The following HARS1 variants were observed in gnomAD, a reference collection of about 807,000 sequenced individuals.
The protein encoded by HARS1 is histidyl-tRNA synthetase 1.
A neutral mutation model predicts 63.6 loss-of-function variants in HARS1; 45 were observed. The ratio of observed to expected loss-of-function variants is 0.71; its 90% CI spans 0.56 to 0.91. The LOEUF (loss-of-function observed/expected upper bound fraction) is 0.91, where lower values mean the gene tolerates loss of function less well. Ranked by LOEUF, HARS1 falls within the 40% of genes least tolerant of loss-of-function variation. The probability of loss-of-function intolerance (pLI) is 0.00; values close to 1 mark genes in which losing one functional copy is unlikely to be tolerated. For missense variants in HARS1, 508 were observed against 643.2 expected (o/e 0.79, Z 2.27); for synonymous variants, 205 against 247.1 (o/e 0.83, Z 1.60).
At position 140,676,222 on chromosome 5, in the gene HARS1, A is replaced by G. The variant is rs1289625495; in HGVS notation, c.1194+432T>C. On this transcript the variant is annotated intron_variant, in intron 10 of 12. Coordinates refer to ENST00000504156, the MANE Select transcript of HARS1 (RefSeq NM_002109.6). This position sits in a 1 kb window ranked among gnomAD's most constrained non-coding sequence, Gnocchi z 4.1. The stretch of plus-strand genomic sequence containing the variant: ...TGGCCTTAAGCAAATTATTTGATCT[A>G]TAATGCTTCAGTGTTCTCATCTGGA... 1 of 163,146 alleles carries G rather than the reference A, an allele frequency of 6.1e-6. No homozygotes were observed. The highest frequency in any genetic ancestry group is 1.3e-5 in the Non-Finnish European group (1 of 75,338). 10.1% of individuals were successfully genotyped at this position (163,146 alleles called of 1,614,324 possible). A position where few individuals can be genotyped will look rare whatever the true frequency, so the allele number is the denominator to read the frequency against.
At chr5:140,686,143 C>G (rs1037042441) in intron 2 of HARS1, among the ~76,000 whole-genome samples, 4 of 151,892 alleles carry the variant, frequency 2.6e-5, no homozygotes, top group Non-Finnish European at 5.9e-5. Flanking sequence ...CCATGTTAGC[C>G]AGGATGGTCT....
rs756452677 is a variant in HARS1 at position 140,674,691 on chromosome 5, C to G, written c.1446G>C (p.Thr482=). 1 of 1,614,218 alleles carries G rather than the reference C, an allele frequency of 6.2e-7. No individual in the cohort carries two copies. Among genetic ancestry groups the G allele is most frequent in the Non-Finnish European group, 8.5e-7 (1 of 1,180,040 alleles). Residue 482 remains threonine, a synonymous_variant, in exon 12 of 13, where the codon ACG becomes ACC. Transcript: ENST00000504156. ...CCACCTCCCTCACCTCTTCCCTGCT[C>G]GTCACTGAACGGAGCTTGATGACCC... ...KDGVIKLRSV[T]SREEVDVRRE...
intron 3 of HARS1, among the ~76,000 whole-genome samples, chr5:140,682,292 G>A (rs1320031232): frequency 6.6e-6 from 1 of 152,042 alleles, no homozygotes; most frequent in African/African-American, 2.4e-5. Context: ...ATCATGCAAA[G>A]AGCTAAGGAA....
At position 140,679,896 on chromosome 5, in the gene HARS1, T is replaced by C. The variant is rs370697844; in HGVS notation, c.301-13A>G. Reference sequence around the variant, plus strand: ...CCATCAGTGTTTCCTGGAGAAAACATAAATAAATGTGGTCATAATAATAAA... The same window carrying C: ...CCATCAGTGTTTCCTGGAGAAAACACAAATAAATGTGGTCATAATAATAAA... On this transcript the variant is annotated splice_polypyrimidine_tract_variant and intron_variant, in intron 3 of 12. Coordinates refer to ENST00000504156, the MANE Select transcript of HARS1 (RefSeq NM_002109.6). The surrounding 1 kb of genome is among the most constrained non-coding windows in gnomAD (Gnocchi z 4.3). 5.1e-6 allele frequency: 7 copies of C among 1,367,856 alleles called. No individual in the cohort carries two copies. Among genetic ancestry groups the C allele is most frequent in the African/African-American group, 1.4e-5 (1 of 70,096 alleles). 84.7% of individuals were successfully genotyped at this position (1,367,856 alleles called of 1,614,324 possible). A position where few individuals can be genotyped will look rare whatever the true frequency, so the allele number is the denominator to read the frequency against.
At chr5:140,689,060 T>C (rs536719474) in intron 2 of HARS1, among the ~76,000 whole-genome samples, 10 of 152,306 alleles carry the variant, frequency 6.6e-5, no homozygotes, top group African/African-American at 2.2e-4. Flanking sequence ...GTTTGAAAAA[T>C]CATTGATGAT....
intron 1 of HARS1, 110 bp downstream of exon 1, chr5:140,691,105 C>T: frequency 1.0e-6 from 1 of 961,548 alleles, no homozygotes; most frequent in Non-Finnish European, 1.6e-6. Context: ...CACTCTCCTC[C>T]CTACAAGACT....
chr5:140,677,832 T>G (rs1250412017), intron 6 of HARS1, 76 bp downstream of exon 6: 4 of 1,369,502 alleles, frequency 2.9e-6, no homozygotes. Context: ...CTTAGGCTAC[T>G]GGTCCCTCTG....
At chr5:140,678,047 G>A (rs765484661) in intron 5 of HARS1, 32 bp from the exon 6 acceptor site, 2 of 1,209,412 alleles carry the variant, frequency 1.7e-6, no homozygotes, top group Non-Finnish European at 2.5e-6. Flanking sequence ...GCGGTCTTCA[G>A]GGATTCACCT....
chr5:140,683,349 G>T, intron 2 of HARS1, 130 bp from the exon 3 acceptor site: 1 of 995,992 alleles, frequency 1.0e-6, no homozygotes, highest in Non-Finnish European at 1.4e-6. Context: ...TTTCCTACAG[G>T]CCACTGAGTT....
Position 140,677,977 on chromosome 5 carries a change from A to C in HARS1, c.561T>G (p.Pro187=). Residue 187 remains proline, a synonymous_variant, in exon 6 of 13, where the codon CCT becomes CCG. Coordinates refer to ENST00000504156, the MANE Select transcript of HARS1 (RefSeq NM_002109.6). ...DIAGNFDPMI[P]DAECLKIMCE... ...ACATGATCTTCAGGCACTCTGCATC[A>C]GGGATCATGGGATCAAAGTTCCCAG... is the stretch of plus-strand genomic sequence containing the variant. 6.2e-7 allele frequency: 1 copy of C among 1,611,494 alleles called. No homozygotes were observed. Among genetic ancestry groups the C allele is most frequent in the Non-Finnish European group, 8.5e-7 (1 of 1,177,764 alleles).
At chr5:140,685,183 T>TAAAAAAAAAA (rs59702263) in intron 2 of HARS1, 1 of 142,014 alleles carries the variant, frequency 7.0e-6, no homozygotes, top group Non-Finnish European at 1.5e-5. Flanking sequence ...TCAATGAACT[T>TAAAAAAAAAA]AAAAAAAAAA....
intron 8 of HARS1, 55 bp from the exon 9 acceptor site, chr5:140,677,171 G>C (rs1451056378): frequency 6.2e-7 from 1 of 1,601,220 alleles, no homozygotes; most frequent in Non-Finnish European, 8.6e-7. Context: ...AGGTAAGGAG[G>C]GTTGACCTTC....
chr5:140,678,809 A>T, intron 5 of HARS1, 193 bp downstream of exon 5: 1 of 523,976 alleles, frequency 1.9e-6, no homozygotes, highest in Non-Finnish European at 3.3e-6. Context: ...GCACCACTGC[A>T]CTCCAGCTTG....
chr5:140,674,090 T>G lies in HARS1; in HGVS notation c.*167A>C. 1.4e-6 allele frequency: 1 copy of G among 692,758 alleles called. No homozygotes were observed. 42.9% of individuals were successfully genotyped at this position (692,758 alleles called of 1,614,324 possible). ...TGTTGTACCTGGCCGTTTTTGCCAG[T>G]AATAATCAATAAAATAACCATAATA... On this transcript the variant is annotated 3_prime_UTR_variant, in exon 13 of 13. Coordinates refer to ENST00000504156, the MANE Select transcript of HARS1 (RefSeq NM_002109.6).
intron 2 of HARS1, 72 bp downstream of exon 2, chr5:140,690,783 G>A (rs1759364514): frequency 1.2e-6 from 1 of 861,636 alleles, no homozygotes; most frequent in Non-Finnish European, 2.0e-6. Flanking sequence ...CCTGGTTTAG[G>A]GAGGCAGACA....
intron 3 of HARS1, among the ~76,000 whole-genome samples, chr5:140,682,060 T>C (rs917638530): frequency 6.6e-6 from 1 of 151,828 alleles, no homozygotes; most frequent in Non-Finnish European, 1.5e-5. Context: ...ACTTGAGGAG[T>C]GGCATTTTAG....
intron 2 of HARS1, among the ~76,000 whole-genome samples, chr5:140,690,459 C>A (rs201602409): frequency 1.3e-5 from 2 of 151,562 alleles, no homozygotes; most frequent in Non-Finnish European, 2.9e-5. Flanking sequence ...AAAAAAAAAA[C>A]AAAAAAATCT....
Position 140,679,715 on chromosome 5 carries a change from T to C in HARS1, c.396+73A>G. The C allele has an allele frequency of 1.3e-6, 1 of 741,574 alleles. No homozygotes were observed. Among genetic ancestry groups the C allele is most frequent in the Non-Finnish European group, 2.4e-6 (1 of 422,412 alleles). 45.9% of individuals were successfully genotyped at this position (741,574 alleles called of 1,614,324 possible). On this transcript the variant is annotated intron_variant, in intron 4 of 12. Coordinates refer to ENST00000504156, the MANE Select transcript of HARS1 (RefSeq NM_002109.6). The surrounding 1 kb of genome is among the most constrained non-coding windows in gnomAD (Gnocchi z 4.3). ...GCCTCATATTTGATCCTACCTACTC[T>C]ACCATTCTTAAACCTGAGCCAAGTG...
chr5:140,682,590 A>C (rs1398226064), intron 3 of HARS1, among the ~76,000 whole-genome samples: 3 of 152,202 alleles, frequency 2.0e-5, no homozygotes, highest in African/African-American at 7.2e-5. Flanking sequence ...TACATTGCCC[A>C]GACTGGAGTA....
Sources: gnomAD v4.1 joint callset for allele counts (sites outside exome capture counted in the v4.1 genomes callset) on GRCh38, gnomAD v4.1.1 for gene constraint, Gnocchi (gnomAD v3.1) non-coding constraint, MANE v1.5 for transcripts, NCBI Gene and HGNC (gene_info 2026-07-23, HGNC 2026-07-21) for gene names.